The following GFRAL variants were observed in gnomAD, a reference collection of about 807,000 sequenced individuals.
GFRAL encodes GDNF family receptor alpha like, also known as GDNF family receptor alpha-like.
GFRAL carries 36 observed loss-of-function variants against 45.4 expected under a neutral mutation model. The observed-to-expected ratio is 0.79, with a 90% CI of 0.61 to 1.05. The LOEUF (loss-of-function observed/expected upper bound fraction) is 1.05. Among genes scored for constraint, GFRAL ranks in the 50% least tolerant of loss-of-function variants. The probability of loss-of-function intolerance (pLI) is 0.00; values close to 1 mark genes in which losing one functional copy is unlikely to be tolerated. For missense variants in GFRAL, 507 were observed against 467.5 expected (o/e 1.08, Z -0.78); for synonymous variants, 166 against 154.1 (o/e 1.08, Z -0.57).
intron 6 of GFRAL, among the ~76,000 whole-genome samples, chr6:55,385,837 T>A (rs1346523653): frequency 6.6e-6 from 1 of 152,092 alleles, no homozygotes; most frequent in East Asian, 1.9e-4. Context: ...AAATTAGTTA[T>A]CTTCTCCCTA....
intron 3 of GFRAL, 46 bp downstream of exon 3, chr6:55,333,990 C>A: frequency 1.7e-6 from 2 of 1,169,946 alleles, no homozygotes; most frequent in Non-Finnish European, 1.2e-6. Context: ...AAAAAGAAAG[C>A]AACAATTTCA....
chr6:55,389,900 C>T (rs779309599), intron 6 of GFRAL, among the ~76,000 whole-genome samples: 1 of 152,180 alleles, frequency 6.6e-6, no homozygotes, highest in Non-Finnish European at 1.5e-5. Flanking sequence ...CCCTGACTGA[C>T]GTGGAATAAT....
chr6:55,388,379 C>G (rs1483256299), intron 6 of GFRAL, among the ~76,000 whole-genome samples: 1 of 152,162 alleles, frequency 6.6e-6, no homozygotes, highest in East Asian at 1.9e-4. Flanking sequence ...CTTAGTGATA[C>G]ACTGCTGTGC....
chr6:55,356,957 C>A (rs1768202783), intron 5 of GFRAL, among the ~76,000 whole-genome samples: 1 of 151,764 alleles, frequency 6.6e-6, no homozygotes, highest in Admixed American at 6.6e-5. Context: ...GCACACTGGA[C>A]AATCAGGAGC....
Position 55,399,278 on chromosome 6 carries a change from C to A in GFRAL, c.1048+3C>A. ...TGGATTTCATTCCCCCTTCAATGGT[C>A]AGTTAAAAATCAATCCTCTATAATA... On this transcript the variant is annotated splice_donor_region_variant and intron_variant, in intron 7 of 8. Transcript: ENST00000340465. 1 of 1,574,026 alleles carries A rather than the reference C, an allele frequency of 6.4e-7. No individual in the cohort carries two copies. Among genetic ancestry groups the A allele is most frequent in the South Asian group, 1.1e-5 (1 of 88,864 alleles).
intron 3 of GFRAL, among the ~76,000 whole-genome samples, chr6:55,344,073 G>A (rs1425814987): frequency 6.6e-6 from 1 of 152,038 alleles, no homozygotes; most frequent in South Asian, 2.1e-4. Flanking sequence ...AAAAGTCCAG[G>A]ACCAGATGGA....
At chr6:55,391,603 A>G (rs1768754684) in intron 6 of GFRAL, among the ~76,000 whole-genome samples, 1 of 152,170 alleles carries the variant, frequency 6.6e-6, no homozygotes, top group Non-Finnish European at 1.5e-5. Context: ...AATAAAAATT[A>G]GTAGGGCATG....
At position 55,378,068 on chromosome 6, in the gene GFRAL, A is replaced by G. The variant is rs147445238; in HGVS notation, c.952+18930A>G. 3.4e-3 allele frequency among the ~76,000 whole-genome samples: 522 copies of G among 152,100 alleles called. 3 individuals are homozygous for G. The highest frequency in any genetic ancestry group is 0.012 in the African/African-American group (495 of 41,504). On this transcript the variant is annotated intron_variant, in intron 6 of 8. Coordinates refer to ENST00000340465, the MANE Select transcript of GFRAL (RefSeq NM_207410.2). ...TCCTGTCCCTCACTGATTTGGGGTG[A>G]CCCCACTAGCCTTGATTCCCTCAAA...
intron 6 of GFRAL, among the ~76,000 whole-genome samples, chr6:55,389,327 A>C (rs1768718370): frequency 6.6e-6 from 1 of 152,064 alleles, no homozygotes; most frequent in Non-Finnish European, 1.5e-5. Flanking sequence ...GGTATAGAAA[A>C]GTATTTGAAA....
At chr6:55,328,112 A>C (rs1425113164) in intron 1 of GFRAL, among the ~76,000 whole-genome samples, 3 of 151,984 alleles carry the variant, frequency 2.0e-5, no homozygotes, top group African/African-American at 7.2e-5. Flanking sequence ...TCATATTTTC[A>C]TTAATTTTTA....
chr6:55,378,036 C>T (rs1040946730), intron 6 of GFRAL, among the ~76,000 whole-genome samples: 5 of 151,984 alleles, frequency 3.3e-5, no homozygotes, highest in Admixed American at 6.6e-5. Flanking sequence ...ATCATTTGAC[C>T]TTTGGATCCT....
In GFRAL at chr6:55,380,425, CAG is replaced by C. The variant is rs372092082; in HGVS notation, c.953-18752_953-18751del. 4.5e-3 allele frequency among the ~76,000 whole-genome samples: 682 copies of C among 151,974 alleles called. 5 individuals are homozygous for C. Among genetic ancestry groups the C allele is most frequent in the African/African-American group, 0.016 (649 of 41,474 alleles). On this transcript the variant is annotated intron_variant, in intron 6 of 8. Transcript: ENST00000340465. ...TCTGGCTAATCCTCAGAAATATATACAGAGTGTGTTGAAAATATAGGTATTTA... is the reference window on the plus strand; with the variant it reads ...TCTGGCTAATCCTCAGAAATATATACAGTGTGTTGAAAATATAGGTATTTA...
At chr6:55,343,919 T>C (rs866986299) in intron 3 of GFRAL, among the ~76,000 whole-genome samples, 1 of 152,020 alleles carries the variant, frequency 6.6e-6, no homozygotes, top group Non-Finnish European at 1.5e-5. Flanking sequence ...TCTACACAAA[T>C]AAACCAGAAA....
intron 3 of GFRAL, among the ~76,000 whole-genome samples, chr6:55,346,131 G>A (rs1208902110): frequency 6.6e-6 from 1 of 152,164 alleles, no homozygotes; most frequent in East Asian, 1.9e-4. Context: ...AAGACAGTGT[G>A]GCGATTCCTC....
Position 55,391,003 on chromosome 6 carries a change from T to C in GFRAL, c.953-8177T>C, listed in dbSNP as rs537387451. 1.2e-3 allele frequency among the ~76,000 whole-genome samples: 179 copies of C among 151,972 alleles called. 1 individual carries two copies. Among genetic ancestry groups the C allele is most frequent in the African/African-American group, 4.2e-3 (173 of 41,386 alleles). ...ATTTTTACAGCAAAATAGAAGTGAA[T>C]CTTTATAAAAAAATATAATCTATCG... On this transcript the variant is annotated intron_variant, in intron 6 of 8. Transcript: ENST00000340465.
At chr6:55,364,762 G>C (rs534002628) in intron 6 of GFRAL, among the ~76,000 whole-genome samples, 1 of 151,596 alleles carries the variant, frequency 6.6e-6, no homozygotes, top group Non-Finnish European at 1.5e-5. Context: ...TATGCGGCGT[G>C]ATTTCTGAGG....
intron 6 of GFRAL, among the ~76,000 whole-genome samples, chr6:55,375,262 A>G (rs190016404): frequency 2.2e-4 from 34 of 152,250 alleles, no homozygotes; most frequent in Non-Finnish European, 4.1e-4. Context: ...TGAGCATGGA[A>G]TGTTTCTTCA....
chr6:55,338,357 T>G (rs1433285089), intron 3 of GFRAL, among the ~76,000 whole-genome samples: 2 of 152,182 alleles, frequency 1.3e-5, no homozygotes, highest in Non-Finnish European at 2.9e-5. Context: ...TCCAAAGTGC[T>G]GGGATAACAG....
intron 2 of GFRAL, 27 bp from the exon 3 acceptor site, chr6:55,333,759 C>A (rs1380298332): frequency 1.3e-6 from 2 of 1,514,172 alleles, no homozygotes; most frequent in East Asian, 2.3e-5. Context: ...AGATTAATAT[C>A]TATAGTGTTA....
Sources: gnomAD v4.1 joint callset for allele counts (sites outside exome capture counted in the v4.1 genomes callset) on GRCh38, gnomAD v4.1.1 for gene constraint, MANE v1.5 for transcripts, NCBI Gene and HGNC (gene_info 2026-07-23, HGNC 2026-07-21) for gene names.